Variants in CHCHD3 observed in about 807,000 individuals in gnomAD.
The protein encoded by CHCHD3 is coiled-coil-helix-coiled-coil-helix domain containing 3.
Under a neutral mutation model 38.2 loss-of-function variants are expected in CHCHD3, and 20 were observed. The ratio of observed to expected loss-of-function variants is 0.52; its 90% confidence interval spans 0.37 to 0.76. CHCHD3 has a LOEUF of 0.76. CHCHD3 is among the 30% of genes least tolerant of loss of function. The pLI, the probability that CHCHD3 is intolerant of heterozygous loss-of-function variation, is 0.00. For missense variants in CHCHD3, 245 were observed against 279.2 expected (o/e 0.88, Z 0.87); for synonymous variants, 82 against 100.0 (o/e 0.82, Z 1.07).
chr7:132,810,539 G>A (rs1011724717), intron 6 of CHCHD3, among the ~76,000 whole-genome samples: 1 of 152,154 alleles, frequency 6.6e-6, no homozygotes, highest in Admixed American at 6.6e-5. Flanking sequence ...AGACTAAAAT[G>A]AACAAGACCA....
intron 6 of CHCHD3, among the ~76,000 whole-genome samples, chr7:132,799,358 A>T (rs1056179363): frequency 6.6e-6 from 1 of 152,200 alleles, no homozygotes; most frequent in Non-Finnish European, 1.5e-5. Flanking sequence ...AGGTTTCAAA[A>T]CATTTCCAAT....
At chr7:133,062,330 A>G (rs1814540780) in intron 2 of CHCHD3, among the ~76,000 whole-genome samples, 1 of 152,210 alleles carries the variant, frequency 6.6e-6, no homozygotes, top group Non-Finnish European at 1.5e-5. Context: ...TGTTTACAAC[A>G]AATGTATGAA....
chr7:133,042,691 A>T (rs1813866256), intron 2 of CHCHD3, among the ~76,000 whole-genome samples: 1 of 152,200 alleles, frequency 6.6e-6, no homozygotes. Context: ...TCTGCTACAC[A>T]TTCCAACAGA....
intron 2 of CHCHD3, chr7:133,034,529 T>TTTTTTATTTTTTGTTTTCTTTTA: frequency 1.8e-6 from 1 of 557,266 alleles, no homozygotes; most frequent in Non-Finnish European, 2.8e-6. Context: ...TTTTTTTTTT[T>TTTTTTATTTTTTGTTTTCTTTTA]TCAATGTTCA....
intron 6 of CHCHD3, 35 bp downstream of exon 6, chr7:132,838,363 GA>G: frequency 7.3e-7 from 1 of 1,364,652 alleles, no homozygotes; most frequent in African/African-American, 1.5e-5. Flanking sequence ...ATCTTGTTAA[GA>G]ATAGTAAATA....
intron 2 of CHCHD3, among the ~76,000 whole-genome samples, chr7:133,055,501 ATAAT>A (rs1181668942): frequency 2.8e-5 from 4 of 143,378 alleles, no homozygotes; most frequent in African/African-American, 1.1e-4. Context: ...TATATTTATT[ATAAT>A]TAATTATAAT....
rs923533926 is a variant in CHCHD3, at chr7:133,047,566, C to T, written c.169+22576G>A. ...AATGTTTTTGTTCAAATATGTTTTA[C>T]GTGTTTCAACAATCACAGATCAAAT... On this transcript the variant is annotated intron_variant, in intron 2 of 7. Coordinates refer to ENST00000262570, the MANE Select transcript of CHCHD3 (RefSeq NM_017812.4). Among the ~76,000 whole-genome samples the T allele has an allele frequency of 9.2e-5, 14 of 152,086 alleles. No individual in the cohort carries two copies. In the East Asian group the frequency reaches 2.1e-3, roughly 23 times the overall value.
chr7:132,793,557 A>G (rs1806521191), intron 7 of CHCHD3, among the ~76,000 whole-genome samples: 1 of 152,230 alleles, frequency 6.6e-6, no homozygotes, highest in Admixed American at 6.5e-5. Flanking sequence ...CACTGATATG[A>G]ATAAGTGGAT....
chr7:132,904,295 A>G (rs920226381), intron 4 of CHCHD3, among the ~76,000 whole-genome samples: 9 of 151,702 alleles, frequency 5.9e-5, no homozygotes, highest in African/African-American at 2.2e-4. Context: ...TTTTTTTTAC[A>G]TATTTAAGGC....
At chr7:133,043,069 T>A (rs748875582) in intron 2 of CHCHD3, among the ~76,000 whole-genome samples, 1 of 152,208 alleles carries the variant, frequency 6.6e-6, no homozygotes, top group East Asian at 1.9e-4. Context: ...GGTTTCATTA[T>A]GTTGTCCAGG....
chr7:133,008,425 G>GAAAAA (rs988855864), intron 3 of CHCHD3, among the ~76,000 whole-genome samples: 4 of 74,080 alleles, frequency 5.4e-5, no homozygotes, highest in African/African-American at 1.0e-4. Flanking sequence ...ATGCAGAAAA[G>GAAAAA]AAAAAAAAAA....
chr7:133,075,959 T>C (rs2117550477), intron 1 of CHCHD3, among the ~76,000 whole-genome samples: 1 of 146,192 alleles, frequency 6.8e-6, no homozygotes, highest in South Asian at 2.1e-4. Flanking sequence ...CTTGGGAAGC[T>C]GAAGTAGGAA....
chr7:132,941,703 T>A (rs1042028661), intron 4 of CHCHD3, among the ~76,000 whole-genome samples: 1 of 152,094 alleles, frequency 6.6e-6, no homozygotes, highest in Non-Finnish European at 1.5e-5. Context: ...GAGCCTGGGA[T>A]GGCTGAGTGA....
chr7:132,969,557 G>C (rs1209288138), intron 4 of CHCHD3, among the ~76,000 whole-genome samples: 1 of 152,174 alleles, frequency 6.6e-6, no homozygotes. Context: ...CAAATGATAT[G>C]AAGTTACTGA....
chr7:132,848,464 G>A (rs1808136061), intron 5 of CHCHD3, among the ~76,000 whole-genome samples: 1 of 152,186 alleles, frequency 6.6e-6, no homozygotes, highest in African/African-American at 2.4e-5. Context: ...CTCTGAAACA[G>A]TTATTTACTC....
intron 4 of CHCHD3, among the ~76,000 whole-genome samples, chr7:132,893,743 G>A (rs1055925484): frequency 6.6e-6 from 1 of 152,160 alleles, no homozygotes; most frequent in African/African-American, 2.4e-5. Flanking sequence ...CATGAGATCT[G>A]ATGGTTCTGT....
At position 132,887,502 on chromosome 7, in the gene CHCHD3, A is replaced by G. The variant is rs565257795; in HGVS notation, c.370-1757T>C. Reference sequence around the variant, plus strand: ...ATAAAACAAAAGCATTATAAAATCCAAAGAAGAAGCAAGTAACAAAAACAG... The same window carrying G: ...ATAAAACAAAAGCATTATAAAATCCGAAGAAGAAGCAAGTAACAAAAACAG... On this transcript the variant is annotated intron_variant, in intron 4 of 7. Coordinates refer to ENST00000262570, the MANE Select transcript of CHCHD3 (RefSeq NM_017812.4). Among the ~76,000 whole-genome samples, 8 of 151,928 alleles carry G rather than the reference A, an allele frequency of 5.3e-5. No individual in the cohort carries two copies. In the East Asian group the frequency reaches 1.5e-3, roughly 29 times the overall value.
intron 4 of CHCHD3, among the ~76,000 whole-genome samples, chr7:132,954,617 G>A (rs551340294): frequency 7.9e-5 from 12 of 152,090 alleles, no homozygotes; most frequent in African/African-American, 2.7e-4. Context: ...AACAAAAGAC[G>A]GACTCTACAA....
At position 132,901,402 on chromosome 7, in the gene CHCHD3, G is replaced by A. The variant is rs560938190; in HGVS notation, c.370-15657C>T. ...GATGGAAATCAGCCACCTCAGTGCC[G>A]GGATGGAGGTGACTGAAGAGAGACA... On this transcript the variant is annotated intron_variant, in intron 4 of 7. Coordinates refer to ENST00000262570, the MANE Select transcript of CHCHD3 (RefSeq NM_017812.4). 2.0e-3 allele frequency among the ~76,000 whole-genome samples: 309 copies of A among 152,280 alleles called. 1 individual carries two copies. Among genetic ancestry groups the A allele is most frequent in the Non-Finnish European group, 2.9e-3 (199 of 68,014 alleles).
Sources: gnomAD v4.1 joint callset for allele counts (sites outside exome capture counted in the v4.1 genomes callset) on GRCh38, gnomAD v4.1.1 for gene constraint, MANE v1.5 for transcripts, NCBI Gene and HGNC (gene_info 2026-07-23, HGNC 2026-07-21) for gene names.